The following LACTBL1 variants were observed in gnomAD, a reference collection of about 807,000 sequenced individuals.
The protein encoded by LACTBL1 is lactamase beta like 1.
Under a neutral mutation model 39.6 loss-of-function variants are expected in LACTBL1, and 29 were observed. That is an observed-to-expected ratio of 0.73 (90% CI 0.55 to 1.00). The LOEUF is 1.00. Among genes scored for constraint, LACTBL1 ranks in the 50% least tolerant of loss-of-function variants. LACTBL1 has a pLI of 0.00. For synonymous variants in LACTBL1, 361 were observed against 360.7 expected (o/e 1.00, Z -0.01); for missense variants, 711 against 748.5 (o/e 0.95, Z 0.59).
chr1:22,954,112 G>A (rs1375571966), intron 5 of LACTBL1, 88 bp from the exon 8 acceptor site: 9 of 1,446,998 alleles, frequency 6.2e-6, no homozygotes, highest in Admixed American at 2.8e-5. Context: ...GGGACTGGGC[G>A]GGGCTGGGAA....
In LACTBL1 at chr1:22,958,683, A is replaced by T. The variant is rs1199315549; in HGVS notation, c.553+2T>A. 2.6e-6 allele frequency: 4 copies of T among 1,541,546 alleles called. No homozygotes were observed. The South Asian group carries it at 4.8e-5, about 19-fold the overall frequency. On this transcript the variant is annotated splice_donor_variant, in intron 4 of 5. Transcript: ENST00000426928. LOFTEE classifies it high-confidence loss of function. ...TCAGCCTGAGTCAGTTCTGAGACTCACCTGAGAGCTGGCTGGCCATCCTTC... is the reference window on the plus strand; with the variant it reads ...TCAGCCTGAGTCAGTTCTGAGACTCTCCTGAGAGCTGGCTGGCCATCCTTC...
exon 6 of LACTBL1, chr1:22,953,071 C>G (rs75445583): frequency 1.1e-5 from 14 of 1,232,300 alleles, no homozygotes; most frequent in South Asian, 4.1e-5. Flanking sequence ...CGGCTTGCCC[C>G]GCAGCCGCAG....
upstream of LACTBL1, among the ~76,000 whole-genome samples, chr1:22,968,297 T>C (rs1640904787): frequency 6.6e-6 from 1 of 152,168 alleles, no homozygotes; most frequent in African/African-American, 2.4e-5. Flanking sequence ...CACAGTCCAG[T>C]TGGGAATCCT....
chr1:22,955,524 TAAC>T (rs1353915336), intron 4 of LACTBL1, 98 bp from the exon 7 acceptor site: 8 of 712,600 alleles, frequency 1.1e-5, no homozygotes, highest in African/African-American at 5.3e-5. Flanking sequence ...AGTTGAGAGA[TAAC>T]AACAACAAAT....
chr1:22,972,795 A>G, the LACTBL1 span: 1 of 877,094 alleles, frequency 1.1e-6, no homozygotes, highest in Non-Finnish European at 1.4e-6. Flanking sequence ...TACCAGCAAG[A>G]ACAGGGCAGT....
At chr1:22,961,029 C>G (rs573894560) in intron 2 of LACTBL1, among the ~76,000 whole-genome samples, 12 of 152,210 alleles carry the variant, frequency 7.9e-5, no homozygotes, top group Non-Finnish European at 1.3e-4. Context: ...GTCTTCCCAC[C>G]TCAGCCTCCC....
At chr1:22,962,461 A>G (rs2124235075) in intron 2 of LACTBL1, among the ~76,000 whole-genome samples, 2 of 152,252 alleles carry the variant, frequency 1.3e-5, no homozygotes, top group Middle Eastern at 6.8e-3. Flanking sequence ...ACTGGCACAG[A>G]CTAGAGCTGA....
the LACTBL1 span, among the ~76,000 whole-genome samples, chr1:22,971,487 C>T: frequency 6.8e-6 from 1 of 146,530 alleles, no homozygotes; most frequent in African/African-American, 2.6e-5. Flanking sequence ...CCAAACCCCA[C>T]CTATAACACG....
rs140501909 is a variant in LACTBL1 at position 22,962,363 on chromosome 1, C to T, written c.159+744G>A. ...CCTCGGATGATAGTTTTGAGTCTCC[C>T]CCACCATGCTGCGGCTCATATTCTT... On this transcript the variant is annotated intron_variant, in intron 2 of 5. Coordinates refer to ENST00000426928, the Ensembl canonical transcript of LACTBL1. Among the ~76,000 whole-genome samples the T allele has an allele frequency of 1.2e-3, 183 of 152,204 alleles. 1 individual carries two copies. The highest frequency in any genetic ancestry group is 4.1e-3 in the African/African-American group (171 of 41,514).
chr1:22,963,100 C>T lies in LACTBL1; in HGVS notation c.159+7G>A. 1 of 1,283,154 alleles carries T rather than the reference C, an allele frequency of 7.8e-7. No individual in the cohort carries two copies. Among genetic ancestry groups the T allele is most frequent in the Non-Finnish European group, 9.9e-7 (1 of 1,006,360 alleles). The allele number at this position is 1,283,154 out of a possible 1,614,324, so 79.5% of individuals were successfully genotyped here. A position where few individuals can be genotyped will look rare whatever the true frequency, so the allele number is the denominator to read the frequency against. On this transcript the variant is annotated splice_region_variant and intron_variant, in intron 2 of 5. Coordinates refer to ENST00000426928, the Ensembl canonical transcript of LACTBL1. ...TATGCCCAGTTTCCTCCTGGGTCAT[C>T]ACTGACCTTTTCCAGGGCCTCCTTC...
At chr1:22,955,409 G>A (rs1479731987) in exon 5 of LACTBL1, 49 of 1,549,744 alleles carry the variant, frequency 3.2e-5, no homozygotes, top group South Asian at 1.7e-4. Flanking sequence ...GAAGTGGAGC[G>A]CAGCCTTCTG....
exon 6 of LACTBL1, chr1:22,953,616 G>C: frequency 7.9e-7 from 1 of 1,265,634 alleles, no homozygotes; most frequent in Non-Finnish European, 9.9e-7. Context: ...CCACGCGGTA[G>C]CCCCGCTGCG....
In LACTBL1 at chr1:22,958,866, C is replaced by T. The variant is rs1422754295; in HGVS notation, c.372G>A (p.Glu124=). ...CATCTAGGGAGGCCACGATGCCCTCCTCCCACAGACGGTACAGCATGAGGA... is the reference window on the plus strand; with the variant it reads ...CATCTAGGGAGGCCACGATGCCCTCTTCCCACAGACGGTACAGCATGAGGA... Residue 124 remains glutamate (E), a synonymous_variant, in exon 4 of 6, where the codon GAG becomes GAA. Coordinates refer to ENST00000426928, the Ensembl canonical transcript of LACTBL1. The T allele has an allele frequency of 7.1e-6, 11 of 1,550,416 alleles. No individual in the cohort carries two copies. The African/African-American group carries it at 1.5e-4, about 21-fold the overall frequency.
At chr1:22,957,296 A>G (rs749179217) in intron 4 of LACTBL1, among the ~76,000 whole-genome samples, 2 of 152,254 alleles carry the variant, frequency 1.3e-5, no homozygotes, top group South Asian at 2.1e-4. Context: ...GCCTTTTGCT[A>G]TTACAAACAG....
chr1:22,959,568 G>A (rs1640797059), intron 3 of LACTBL1, among the ~76,000 whole-genome samples: 1 of 152,246 alleles, frequency 6.6e-6, no homozygotes, highest in African/African-American at 2.4e-5. Context: ...TTGCATCTGG[G>A]CCACTGCTGC....
At chr1:22,955,401 A>G in exon 5 of LACTBL1, 1 of 1,550,116 alleles carries the variant, frequency 6.5e-7, no homozygotes, top group South Asian at 1.2e-5. Context: ...ACAGCAGTGA[A>G]GTGGAGCGCA....
At position 22,960,186 on chromosome 1, in the gene LACTBL1, C is replaced by T. The variant is rs1640805601; in HGVS notation, c.160-87G>A. The T allele has an allele frequency of 4.1e-6, 6 of 1,469,014 alleles. No homozygotes were observed. The South Asian group carries it at 5.2e-5, about 13-fold the overall frequency. The allele number at this position is 1,469,014 out of a possible 1,614,324, so 91.0% of individuals were successfully genotyped here. On this transcript the variant is annotated intron_variant, in intron 2 of 5. Coordinates refer to ENST00000426928, the Ensembl canonical transcript of LACTBL1. ...GCAAAGCCACCCTCGTCCATAGTCACACCCTGCATGCAGCACCCCAGTGAG... is the reference window on the plus strand; with the variant it reads ...GCAAAGCCACCCTCGTCCATAGTCATACCCTGCATGCAGCACCCCAGTGAG...
chr1:22,970,302 A>C (rs1270500772), upstream of LACTBL1, among the ~76,000 whole-genome samples: 1 of 152,234 alleles, frequency 6.6e-6, no homozygotes, highest in Non-Finnish European at 1.5e-5. Flanking sequence ...GATACATGCA[A>C]TAATGTGGAT....
At chr1:22,956,063 CAAAAAAAAAAA>C (rs10582369) in intron 4 of LACTBL1, among the ~76,000 whole-genome samples, 2 of 76,596 alleles carry the variant, frequency 2.6e-5, no homozygotes, top group African/African-American at 5.8e-5. Context: ...AACTCCATCT[CAAAAAAAAAAA>C]AAAAAAAAAG....
Sources: allele counts gnomAD v4.1 joint callset (sites outside exome capture counted in the v4.1 genomes callset), GRCh38; gene constraint gnomAD v4.1.1; transcripts MANE v1.5; gene names NCBI Gene and HGNC (gene_info 2026-07-23, HGNC 2026-07-21).